Variants in SLC25A37 observed in about 807,000 individuals in gnomAD.
SLC25A37 encodes the protein mitoferrin-1.
A neutral mutation model predicts 31.0 loss-of-function variants in SLC25A37; 17 were observed. The ratio of observed to expected loss-of-function variants is 0.55; its 90% confidence interval spans 0.38 to 0.82. The LOEUF is 0.82. SLC25A37 is among the 40% of genes least tolerant of loss of function. The pLI, the probability that SLC25A37 is intolerant of heterozygous loss-of-function variation, is 0.00. For missense variants in SLC25A37, 404 were observed against 465.8 expected, an observed-to-expected ratio of 0.87 and a Z score of 1.22; for synonymous variants, 222 against 193.0, an observed-to-expected ratio of 1.15 and a Z score of -1.24.
chr8:23,529,188 C>T lies in SLC25A37; in HGVS notation c.186C>T (p.Val62=). ...GAMAGILEHS[V]MYPVDSVKTR... The stretch of plus-strand genomic sequence containing the variant: ...TGGCCGGGATCCTGGAGCACTCGGT[C>T]ATGTACCCGGTGGACTCGGTGAAGG... Residue 62 remains valine, a synonymous_variant, in exon 1 of 4, where the codon GTC becomes GTT. Transcript: ENST00000519973. This position sits in a 1 kb window ranked among gnomAD's most constrained non-coding sequence, Gnocchi z 4.1. 6.2e-7 allele frequency: 1 copy of T among 1,610,690 alleles called. No homozygotes were observed. The highest frequency in any genetic ancestry group is 8.5e-7 in the Non-Finnish European group (1 of 1,178,820).
Position 23,573,021 on chromosome 8 carries a change from C to T in SLC25A37, c.*1166C>T, listed in dbSNP as rs1353604837. The T allele has an allele frequency of 6.6e-6, 1 of 152,330 alleles. No homozygotes were observed. Among genetic ancestry groups the T allele is most frequent in the Non-Finnish European group, 1.5e-5 (1 of 68,114 alleles). 9.4% of individuals were successfully genotyped at this position (152,330 alleles called of 1,614,324 possible). A position where few individuals can be genotyped will look rare whatever the true frequency, so the allele number is the denominator to read the frequency against. The stretch of plus-strand genomic sequence containing the variant: ...GTAACGTGATCTATGTGTGTTTTGA[C>T]TGAATCTCATCTCCTGTGTTTCCCT... On this transcript the variant is annotated 3_prime_UTR_variant, in exon 4 of 4. Coordinates refer to ENST00000519973, the MANE Select transcript of SLC25A37 (RefSeq NM_016612.4).
chr8:23,569,157 G>A (rs950942724), intron 3 of SLC25A37, among the ~76,000 whole-genome samples: 3 of 152,026 alleles, frequency 2.0e-5, no homozygotes, highest in African/African-American at 4.8e-5. Context: ...CCAGCTGTTC[G>A]GAAGGCTGAG....
intron 1 of SLC25A37, chr8:23,543,356 C>T (rs28890784): frequency 0.37 from 56,704 of 151,750 alleles, 12,211 homozygotes; most frequent in East Asian, 0.61. Context: ...TGAGTCACCA[C>T]GCCCAACCTT....
chr8:23,546,528 GGTGTATATATATATATATATATATAGT>G (rs1563255831), intron 1 of SLC25A37, among the ~76,000 whole-genome samples: 1 of 78,532 alleles, frequency 1.3e-5, no homozygotes, highest in Non-Finnish European at 2.4e-5. Context: ...TATATATATA[GGTGTATATATATATATATATATATAGT>G]GTATATATAT....
chr8:23,549,021 A>G (rs7823032), intron 1 of SLC25A37, among the ~76,000 whole-genome samples: 54,849 of 151,974 alleles, frequency 0.36, 11,157 homozygotes, highest in East Asian at 0.61. Flanking sequence ...GTCCCCCTGC[A>G]TTTGCCCTCA....
chr8:23,557,379 C>T (rs983505916), intron 1 of SLC25A37, among the ~76,000 whole-genome samples: 2 of 152,110 alleles, frequency 1.3e-5, no homozygotes, highest in African/African-American at 4.8e-5. Context: ...TAGTGTGTGC[C>T]TTCTAAGGAT....
chr8:23,571,689 A>G lies in SLC25A37; in HGVS notation c.851A>G (p.Asn284Ser), dbSNP rs1253508654. The G allele has an allele frequency of 4.0e-5, 65 of 1,613,808 alleles. No homozygotes were observed. Among genetic ancestry groups the G allele is most frequent in the Non-Finnish European group, 5.3e-5 (63 of 1,179,886 alleles). The change falls in exon 4 of 4, where the codon AAT becomes AGT. Residue 284 changes from asparagine to serine, a missense_variant. By Grantham distance (46) the Asn-to-Ser change is conservative. Around this residue, in one of 3 missense-constraint regions of SLC25A37, gnomAD observed 243 missense variants for 284.4 expected, o/e 0.85. Coordinates refer to ENST00000519973, the MANE Select transcript of SLC25A37 (RefSeq NM_016612.4). ...AGCGGCCGGCTGTCGGGTATGGCCAATGCCTTCCGGACGGTGTACCAGCTC... is the reference window on the plus strand; with the variant it reads ...AGCGGCCGGCTGTCGGGTATGGCCAGTGCCTTCCGGACGGTGTACCAGCTC... ...NISGRLSGMA[N>S]AFRTVYQLNG...
At chr8:23,560,861 A>G (rs867699603) in intron 1 of SLC25A37, among the ~76,000 whole-genome samples, 2 of 152,330 alleles carry the variant, frequency 1.3e-5, no homozygotes, top group Middle Eastern at 3.4e-3. Context: ...CTTTTTCCAA[A>G]GAGGGCTCTG....
intron 2 of SLC25A37, 175 bp from the exon 3 acceptor site, chr8:23,568,147 A>G (rs1802717341): frequency 8.4e-6 from 6 of 714,496 alleles, no homozygotes; most frequent in South Asian, 5.8e-5. Context: ...CCCCATTTTT[A>G]TCATATTTCC....
rs1801612498 is a variant in SLC25A37 at position 23,529,276 on chromosome 8, TC to T, written c.210+67del. On this transcript the variant is annotated intron_variant, in intron 1 of 3. Transcript: ENST00000519973. The surrounding 1 kb of genome is among the most constrained non-coding windows in gnomAD (Gnocchi z 4.1). Reference sequence around the variant, plus strand: ...GAAGGAGCGCGCGCGCGCATTTGCATCCCGCGCGCCGGCAGCCTCGGGGCAG... The same window carrying T: ...GAAGGAGCGCGCGCGCGCATTTGCATCCGCGCGCCGGCAGCCTCGGGGCAG... The T allele has an allele frequency of 1.4e-6, 2 of 1,463,354 alleles. No homozygotes were observed. Among genetic ancestry groups the T allele is most frequent in the Admixed American group, 4.2e-5 (2 of 47,240 alleles). The allele number at this position is 1,463,354 out of a possible 1,614,324, so 90.6% of individuals were successfully genotyped here.
In SLC25A37 at chr8:23,542,377, C is replaced by CTTTTTTTTT. The variant is rs59713954; in HGVS notation, c.210+13175_210+13183dup. 7.3e-4 allele frequency among the ~76,000 whole-genome samples: 86 copies of CTTTTTTTTT among 118,098 alleles called. 2 individuals carry two copies. Among genetic ancestry groups the CTTTTTTTTT allele is most frequent in the East Asian group, 2.8e-3 (10 of 3,626 alleles). 77.5% of individuals were successfully genotyped at this position (118,098 alleles called of 152,430 possible). A position where few individuals can be genotyped will look rare whatever the true frequency, so the allele number is the denominator to read the frequency against. The stretch of plus-strand genomic sequence containing the variant: ...GTCATTACTTTAGAGTGTACTCCTA[C>CTTTTTTTTT]TTTTTTTTTTTTTTTTTTGAGATGG... On this transcript the variant is annotated intron_variant, in intron 1 of 3. Transcript: ENST00000519973.
chr8:23,551,532 A>G (rs1282671372), intron 1 of SLC25A37, among the ~76,000 whole-genome samples: 2 of 152,088 alleles, frequency 1.3e-5, no homozygotes, highest in African/African-American at 4.8e-5. Context: ...GGAATTGGTA[A>G]AAATGACGTC....
intron 1 of SLC25A37, among the ~76,000 whole-genome samples, chr8:23,551,052 G>A (rs1193993834): frequency 6.6e-6 from 1 of 152,206 alleles, no homozygotes; most frequent in Non-Finnish European, 1.5e-5. Flanking sequence ...GCAGTGTCGG[G>A]AATCTTGGCC....
intron 1 of SLC25A37, among the ~76,000 whole-genome samples, chr8:23,543,816 G>A (rs376306282): frequency 2.7e-5 from 4 of 149,770 alleles, no homozygotes; most frequent in Non-Finnish European, 4.4e-5. Context: ...GATTACAGGC[G>A]TGAGCCACTG....
intron 1 of SLC25A37, among the ~76,000 whole-genome samples, chr8:23,561,848 C>A (rs551609559): frequency 2.6e-5 from 4 of 152,202 alleles, no homozygotes; most frequent in Non-Finnish European, 4.4e-5. Context: ...AAACATTTCC[C>A]GGGTAACTCT....
Position 23,573,490 on chromosome 8 carries a change from T to G in SLC25A37, c.*1635T>G, listed in dbSNP as rs1323437637. On this transcript the variant is annotated 3_prime_UTR_variant, in exon 4 of 4. Transcript: ENST00000519973. ...TATGTTTGCATTTCAGTGAGCCGGG[T>G]CCTGACCTGCCGCCACCCATCACGG... The G allele has an allele frequency of 4.0e-5, 9 of 223,532 alleles. No homozygotes were observed. The East Asian group carries it at 1.0e-3, about 26-fold the overall frequency. 13.8% of individuals were successfully genotyped at this position (223,532 alleles called of 1,614,324 possible).
rs540870353 is a variant in SLC25A37, at chr8:23,573,904, A to G, written c.*2049A>G. The stretch of plus-strand genomic sequence containing the variant: ...CGTAAAGTCCACGCTACTGTTGAAA[A>G]TGTTTACATCTCCGCTCTCAACCTG... On this transcript the variant is annotated 3_prime_UTR_variant, in exon 4 of 4. Transcript: ENST00000519973. 11 of 455,200 alleles carry G rather than the reference A, an allele frequency of 2.4e-5. No homozygotes were observed. The East Asian group carries it at 6.3e-4, about 26-fold the overall frequency. The allele number at this position is 455,200 out of a possible 1,614,324, so 28.2% of individuals were successfully genotyped here. A position where few individuals can be genotyped will look rare whatever the true frequency, so the allele number is the denominator to read the frequency against.
In SLC25A37 at chr8:23,571,576, C is replaced by T; in HGVS notation, c.738C>T (p.Ala246=). 2 of 1,613,706 alleles carry T rather than the reference C, an allele frequency of 1.2e-6. No individual in the cohort carries two copies. Among genetic ancestry groups the T allele is most frequent in the Non-Finnish European group, 1.7e-6 (2 of 1,179,824 alleles). The change falls in exon 4 of 4, where the codon GCC becomes GCT. Residue 246 remains alanine (A), a synonymous_variant. Transcript: ENST00000519973. The stretch of plus-strand genomic sequence containing the variant: ...TCATCTCAGGCGGGCTGGCCGGGGC[C>T]CTCGCCGCGGCCGCCACGACCCCCC... ...SHIISGGLAG[A]LAAAATTPLD... is the part of the protein sequence containing the mutation.
Position 23,529,738 on chromosome 8 carries a change from T to A in SLC25A37, c.210+526T>A, listed in dbSNP as rs955283446. ...CTGCTCCCCGGGTTATTTCGGGAACTTGGGGCCGGCAAGTCTTCTCTCGAC... is the reference window on the plus strand; with the variant it reads ...CTGCTCCCCGGGTTATTTCGGGAACATGGGGCCGGCAAGTCTTCTCTCGAC... On this transcript the variant is annotated intron_variant, in intron 1 of 3. Transcript: ENST00000519973. The surrounding 1 kb of genome is among the most constrained non-coding windows in gnomAD (Gnocchi z 4.1). Among the ~76,000 whole-genome samples the A allele has an allele frequency of 6.6e-6, 1 of 152,144 alleles. No individual in the cohort carries two copies. Among genetic ancestry groups the A allele is most frequent in the Non-Finnish European group, 1.5e-5 (1 of 68,018 alleles).
Sources: allele counts gnomAD v4.1 joint callset (sites outside exome capture counted in the v4.1 genomes callset), GRCh38; gene constraint gnomAD v4.1.1; regional missense constraint gnomAD v4.1.1; non-coding constraint Gnocchi (gnomAD v3.1); transcripts MANE v1.5; gene names NCBI Gene and HGNC (gene_info 2026-07-23, HGNC 2026-07-21).